GRIP1: variants seen among roughly 807,000 people sequenced by gnomAD.
GRIP1 encodes glutamate receptor-interacting protein 1.
GRIP1 carries 45 observed loss-of-function variants against 129.9 expected under a neutral mutation model. That is an observed-to-expected ratio of 0.35 (90% confidence interval 0.27 to 0.44). The LOEUF (loss-of-function observed/expected upper bound fraction) is 0.44, where lower values mean the gene tolerates loss of function less well. Ranked by LOEUF, GRIP1 falls within the 20% of genes least tolerant of loss-of-function variation. The probability of loss-of-function intolerance (pLI) is 1.00; values close to 1 mark genes in which losing one functional copy is unlikely to be tolerated. For synonymous variants in GRIP1, 530 were observed against 520.8 expected (o/e 1.02, Z -0.24); for missense variants, 1,196 against 1,396.8 (o/e 0.86, Z 2.29).
At chr12:67,063,621 G>C (rs1237695719) in intron 1 of GRIP1, among the ~76,000 whole-genome samples, 1 of 152,010 alleles carries the variant, frequency 6.6e-6, no homozygotes, top group Non-Finnish European at 1.5e-5. Context: ...CTTGTATTTT[G>C]TATTACTAAC....
chr12:66,741,144 TAA>T, intron 1 of GRIP1, among the ~76,000 whole-genome samples: 1 of 152,136 alleles, frequency 6.6e-6, no homozygotes, highest in South Asian at 2.1e-4. Context: ...CTAATACAAA[TAA>T]AAGAGAATTA....
chr12:66,444,814 T>C, intron 12 of GRIP1, 85 bp from the exon 13 acceptor site: 1 of 1,383,316 alleles, frequency 7.2e-7, no homozygotes, highest in Non-Finnish European at 1.0e-6. Context: ...GCTTGATCCT[T>C]GCAAAATAGC....
intron 13 of GRIP1, among the ~76,000 whole-genome samples, chr12:66,437,634 A>G (rs941886063): frequency 1.3e-5 from 2 of 152,230 alleles, no homozygotes; most frequent in Non-Finnish European, 2.9e-5. Context: ...TAGAGTATCC[A>G]ATCAACAAAT....
intron 2 of GRIP1, among the ~76,000 whole-genome samples, chr12:66,582,341 G>A (rs1474808755): frequency 7.1e-6 from 1 of 141,372 alleles, no homozygotes; most frequent in Non-Finnish European, 1.6e-5. Context: ...TCTGAAAACT[G>A]GCACAAGACA....
At chr12:66,541,161 C>G (rs1473944180) in intron 3 of GRIP1, among the ~76,000 whole-genome samples, 2 of 152,064 alleles carry the variant, frequency 1.3e-5, no homozygotes, top group African/African-American at 4.8e-5. Flanking sequence ...TTTTCTGAGG[C>G]AGATTTAGAA....
chr12:66,974,635 C>G (rs1255144795), intron 1 of GRIP1, among the ~76,000 whole-genome samples: 1 of 152,098 alleles, frequency 6.6e-6, no homozygotes, highest in African/African-American at 2.4e-5. Context: ...AAATAAAACG[C>G]TCATTATAAA....
intron 7 of GRIP1, among the ~76,000 whole-genome samples, chr12:66,481,544 TC>T (rs1262710679): frequency 2.2e-4 from 34 of 152,286 alleles, no homozygotes; most frequent in African/African-American, 7.9e-4. Context: ...GTGTGGCAAT[TC>T]CTCAAGGATC....
intron 19 of GRIP1, among the ~76,000 whole-genome samples, chr12:66,383,505 G>A (rs1387847737): frequency 6.6e-6 from 1 of 152,110 alleles, no homozygotes; most frequent in African/African-American, 2.4e-5. Flanking sequence ...CTCCCCATAG[G>A]AGGAATGTGA....
At chr12:66,642,914 G>A (rs1478278101) in intron 1 of GRIP1, among the ~76,000 whole-genome samples, 10 of 152,146 alleles carry the variant, frequency 6.6e-5, no homozygotes, top group Admixed American at 6.6e-4. Context: ...TACAAGGGAG[G>A]CAAGTGGAAT....
chr12:66,424,790 A>G (rs2057926397), intron 14 of GRIP1, among the ~76,000 whole-genome samples: 1 of 152,108 alleles, frequency 6.6e-6, no homozygotes, highest in Non-Finnish European at 1.5e-5. Flanking sequence ...AACTCCTCAT[A>G]TTTCCCAGGA....
intron 2 of GRIP1, among the ~76,000 whole-genome samples, chr12:66,580,107 A>T (rs2063315034): frequency 6.7e-6 from 1 of 148,754 alleles, no homozygotes; most frequent in South Asian, 2.2e-4. Flanking sequence ...AATATTCAAC[A>T]TTCTTAAAGA....
intron 1 of GRIP1, among the ~76,000 whole-genome samples, chr12:66,649,258 C>A (rs903028196): frequency 1.3e-5 from 2 of 152,182 alleles, no homozygotes; most frequent in Non-Finnish European, 2.9e-5. Flanking sequence ...AGGGTGCATG[C>A]ATCTACCAGG....
intron 1 of GRIP1, among the ~76,000 whole-genome samples, chr12:66,868,975 G>C (rs958140433): frequency 2.0e-5 from 3 of 152,066 alleles, no homozygotes; most frequent in Non-Finnish European, 4.4e-5. Context: ...CAGAGGTCTA[G>C]GTCAGTAACC....
intron 1 of GRIP1, among the ~76,000 whole-genome samples, chr12:66,859,798 CACTA>C (rs1412120730): frequency 1.3e-5 from 2 of 152,024 alleles, no homozygotes; most frequent in Non-Finnish European, 2.9e-5. Flanking sequence ...TCCTGATGAA[CACTA>C]ACTAGCAGGC....
rs559511929 is a variant in GRIP1 at position 66,379,576 on chromosome 12, G to C, written c.2465-140C>G. 3 of 878,076 alleles carry C rather than the reference G, an allele frequency of 3.4e-6. No homozygotes were observed. In the South Asian group the frequency reaches 4.1e-5, roughly 12 times the overall value. 54.4% of individuals were successfully genotyped at this position (878,076 alleles called of 1,614,324 possible). A position where few individuals can be genotyped will look rare whatever the true frequency, so the allele number is the denominator to read the frequency against. On this transcript the variant is annotated intron_variant, in intron 19 of 24. Transcript: ENST00000359742. Reference sequence around the variant, plus strand: ...TGAACACATAGTGTGTGCTTATTGTGCACCAAAGACTTCACCAAGTACTTC... The same window carrying C: ...TGAACACATAGTGTGTGCTTATTGTCCACCAAAGACTTCACCAAGTACTTC...
At chr12:66,739,292 G>A (rs2036712454) in intron 1 of GRIP1, among the ~76,000 whole-genome samples, 1 of 152,104 alleles carries the variant, frequency 6.6e-6, no homozygotes, top group African/African-American at 2.4e-5. Flanking sequence ...CAATTTTACA[G>A]AAGAAAAGAC....
chr12:66,535,244 C>T (rs2061572376), intron 4 of GRIP1, among the ~76,000 whole-genome samples: 1 of 151,980 alleles, frequency 6.6e-6, no homozygotes, highest in Non-Finnish European at 1.5e-5. Flanking sequence ...ATATTCATAT[C>T]CCCAGAGGAA....
intron 1 of GRIP1, among the ~76,000 whole-genome samples, chr12:66,715,034 C>G (rs1189938751): frequency 6.6e-6 from 1 of 152,034 alleles, no homozygotes; most frequent in African/African-American, 2.4e-5. Flanking sequence ...CAACTCCCTT[C>G]TCCTTCCTAT....
intron 1 of GRIP1, among the ~76,000 whole-genome samples, chr12:66,632,157 T>C (rs1292276532): frequency 6.6e-6 from 1 of 152,126 alleles, no homozygotes; most frequent in Non-Finnish European, 1.5e-5. Context: ...AAGAAATGCA[T>C]CACCAAACCA....
Sources: allele counts gnomAD v4.1 joint callset (sites outside exome capture counted in the v4.1 genomes callset), GRCh38; gene constraint gnomAD v4.1.1; transcripts MANE v1.5; gene names NCBI Gene and HGNC (gene_info 2026-07-23, HGNC 2026-07-21).